LDLRAD4: variants seen among roughly 807,000 people sequenced by gnomAD.
The protein encoded by LDLRAD4 is low-density lipoprotein receptor class A domain-containing protein 4.
A neutral mutation model predicts 17.0 loss-of-function variants in LDLRAD4; 5 were observed. The observed-to-expected ratio is 0.29, with a 90% CI of 0.15 to 0.62. The LOEUF is 0.62. LDLRAD4 is among the 20% of genes least tolerant of loss of function. LDLRAD4 has a pLI of 0.84. For missense variants in LDLRAD4, 340 were observed against 424.7 expected, an observed-to-expected ratio of 0.80 and a Z score of 1.75; for synonymous variants, 168 against 171.8, an observed-to-expected ratio of 0.98 and a Z score of 0.17.
chr18:13,638,490 A>C (rs1028421802), intron 4 of LDLRAD4, among the ~76,000 whole-genome samples: 2 of 152,182 alleles, frequency 1.3e-5, no homozygotes. Flanking sequence ...ATAAGAGAAT[A>C]AAAACATGCT....
In LDLRAD4 at chr18:13,360,511, A is replaced by G. The variant is rs150801435; in HGVS notation, c.-382-26830A>G. Among the ~76,000 whole-genome samples, 3 of 152,376 alleles carry G rather than the reference A, an allele frequency of 2.0e-5. No individual in the cohort carries two copies. The East Asian group carries it at 5.8e-4, about 29-fold the overall frequency. On this transcript the variant is annotated intron_variant, in intron 1 of 5. Transcript: ENST00000359446. ...AGATATCAACACTAAAAAAAGTATG[A>G]CAAAAGATTCCTGGATTTTTAGGTC...
chr18:13,383,159 G>A (rs1480919743), intron 1 of LDLRAD4, among the ~76,000 whole-genome samples: 1 of 152,232 alleles, frequency 6.6e-6, no homozygotes, highest in African/African-American at 2.4e-5. Context: ...TTGTGTAGGT[G>A]TTTGCTGAGC....
At chr18:13,483,376 G>A (rs961288784) in intron 3 of LDLRAD4, among the ~76,000 whole-genome samples, 2 of 152,162 alleles carry the variant, frequency 1.3e-5, no homozygotes, top group Non-Finnish European at 2.9e-5. Context: ...TCTAGTCCTC[G>A]ATCTTTGCTG....
upstream of LDLRAD4, among the ~76,000 whole-genome samples, chr18:13,218,490 C>T (rs1368720335): frequency 6.6e-6 from 1 of 152,090 alleles, no homozygotes; most frequent in African/African-American, 2.4e-5. Flanking sequence ...CCAACTGTCT[C>T]CGCGCCCCTA....
intron 1 of LDLRAD4, among the ~76,000 whole-genome samples, chr18:13,359,729 G>C (rs902319445): frequency 1.8e-4 from 28 of 152,204 alleles, no homozygotes; most frequent in African/African-American, 6.8e-4. Flanking sequence ...TCACAGAGAT[G>C]ATGAATGATT....
At chr18:13,218,476 A>G (rs1298119348), upstream of LDLRAD4, among the ~76,000 whole-genome samples, 1 of 151,964 alleles carries the variant, frequency 6.6e-6, no homozygotes, top group Non-Finnish European at 1.5e-5. Flanking sequence ...CGCGGATGGC[A>G]GCCCCAACTG....
intron 1 of LDLRAD4, among the ~76,000 whole-genome samples, chr18:13,309,491 CT>C (rs2047107427): frequency 2.0e-5 from 3 of 152,162 alleles, no homozygotes. Flanking sequence ...TGTGAGTTTA[CT>C]GAGGACTTAG....
chr18:13,503,411 A>G (rs139007967), intron 3 of LDLRAD4, among the ~76,000 whole-genome samples: 42 of 152,356 alleles, frequency 2.8e-4, no homozygotes, highest in African/African-American at 1.0e-3. Flanking sequence ...GGCCATGTGT[A>G]TGAGGGTCCC....
At chr18:13,472,464 TACAA>T (rs1385933384) in intron 3 of LDLRAD4, 1 of 152,206 alleles carries the variant, frequency 6.6e-6, no homozygotes, top group Non-Finnish European at 1.5e-5. Flanking sequence ...CACATTAGAA[TACAA>T]ACAAAGGGGC....
intron 3 of LDLRAD4, among the ~76,000 whole-genome samples, chr18:13,496,012 C>T (rs750825127): frequency 6.6e-6 from 1 of 152,168 alleles, no homozygotes; most frequent in Non-Finnish European, 1.5e-5. Flanking sequence ...TCTTCTGGCG[C>T]TCCCACCACC....
chr18:13,559,541 T>A (rs2094518142), intron 3 of LDLRAD4, among the ~76,000 whole-genome samples: 1 of 152,244 alleles, frequency 6.6e-6, no homozygotes, highest in Admixed American at 6.5e-5. Context: ...TATGTGTATG[T>A]ATGTACATAT....
chr18:13,307,066 A>C (rs1306043137), intron 1 of LDLRAD4, among the ~76,000 whole-genome samples: 1 of 152,248 alleles, frequency 6.6e-6, no homozygotes. Context: ...GACTTCTTTT[A>C]TGACATGAAT....
rs182621881 is a variant in LDLRAD4, at chr18:13,265,598, A to T, written c.-466-12507A>T. Among the ~76,000 whole-genome samples, 5 of 152,290 alleles carry T rather than the reference A, an allele frequency of 3.3e-5. No homozygotes were observed. In the East Asian group the frequency reaches 9.6e-4, roughly 29 times the overall value. ...TCTCTTCATTTTTCTTGAGAAATAA[A>T]TCTCCTTTGATCCCTGACTCACTGA... On this transcript the variant is annotated intron_variant, in intron 1 of 5. Coordinates refer to the LDLRAD4 transcript ENST00000399848.
Position 13,317,327 on chromosome 18 carries a change from G to A in LDLRAD4, c.-383+39139G>A, listed in dbSNP as rs150406000. 5.2e-4 allele frequency among the ~76,000 whole-genome samples: 79 copies of A among 152,256 alleles called. 2 individuals carry two copies. In the East Asian group the frequency reaches 0.012, roughly 23 times the overall value. On this transcript the variant is annotated intron_variant, in intron 1 of 5. Transcript: ENST00000359446. ...TAGAGACTCCCAGTTTCTTTAGCCCGAAGCCTAAGGTACACATCCCCAAAG... is the reference window on the plus strand; with the variant it reads ...TAGAGACTCCCAGTTTCTTTAGCCCAAAGCCTAAGGTACACATCCCCAAAG...
chr18:13,607,806 T>A (rs2095239267), intron 3 of LDLRAD4, among the ~76,000 whole-genome samples: 1 of 152,258 alleles, frequency 6.6e-6, no homozygotes, highest in Admixed American at 6.5e-5. Flanking sequence ...TAGTATTCCA[T>A]GGTGTATATG....
intron 1 of LDLRAD4, among the ~76,000 whole-genome samples, chr18:13,354,382 TTGAAA>T (rs1232466400): frequency 6.6e-6 from 1 of 152,208 alleles, no homozygotes; most frequent in East Asian, 1.9e-4. Flanking sequence ...AATTTACTCT[TTGAAA>T]TGGTAAGATT....
intron 3 of LDLRAD4, among the ~76,000 whole-genome samples, chr18:13,518,772 C>T (rs1025430489): frequency 1.3e-5 from 2 of 152,160 alleles, no homozygotes. Flanking sequence ...GTTTTTGACT[C>T]ACCCAGAGAG....
At position 13,584,067 on chromosome 18, in the gene LDLRAD4, G is replaced by A. The variant is rs142195068; in HGVS notation, c.182-37050G>A. 3.6e-3 allele frequency among the ~76,000 whole-genome samples: 541 copies of A among 152,282 alleles called. 6 individuals are homozygous for A. The highest frequency in any genetic ancestry group is 0.012 in the African/African-American group (515 of 41,552). ...GAGTGCAGGTGAGCCCGGCCCACCC[G>A]AAGCCACGTTGCCTCCCATCACCCT... On this transcript the variant is annotated intron_variant, in intron 3 of 5. Transcript: ENST00000359446.
chr18:13,380,749 C>T (rs527915338), intron 1 of LDLRAD4, among the ~76,000 whole-genome samples: 4 of 152,180 alleles, frequency 2.6e-5, no homozygotes, highest in Non-Finnish European at 4.4e-5. Flanking sequence ...GTCTTTGAAT[C>T]GATGTTTTGG....
Sources: allele counts gnomAD v4.1 joint callset (sites outside exome capture counted in the v4.1 genomes callset), GRCh38; gene constraint gnomAD v4.1.1; transcripts MANE v1.5; gene names NCBI Gene and HGNC (gene_info 2026-07-23, HGNC 2026-07-21).